Variants in BAZ1A observed in about 807,000 individuals in gnomAD.
The protein encoded by BAZ1A is bromodomain adjacent to zinc finger domain protein 1A.
BAZ1A carries 50 observed loss-of-function variants against 185.2 expected under a neutral mutation model. The ratio of observed to expected loss-of-function variants is 0.27; its 90% CI spans 0.22 to 0.34. The LOEUF (loss-of-function observed/expected upper bound fraction) is 0.34. Ranked by LOEUF, BAZ1A falls within the 10% of genes least tolerant of loss-of-function variation. BAZ1A has a pLI of 1.00. For missense variants in BAZ1A, 1,356 were observed against 1,839.9 expected, an observed-to-expected ratio of 0.74 and a Z score of 4.81; for synonymous variants, 571 against 615.6, an observed-to-expected ratio of 0.93 and a Z score of 1.07.
chr14:34,761,807 G>C lies in BAZ1A; in HGVS notation c.4193C>G (p.Ser1398Cys), dbSNP rs2138544378. The change falls in exon 24 of 27, where the codon TCT becomes TGT. Residue 1398 changes from serine to cysteine, a missense_variant. By Grantham distance (112) the Ser-to-Cys change is moderately radical. Coordinates refer to ENST00000360310, the MANE Select transcript of BAZ1A (RefSeq NM_013448.3). Reference protein sequence around the residue: ...SRSVNIASKLSLQESESKRRC... With the variant: ...SRSVNIASKLCLQESESKRRC... ...TCTTTTGGATTCACTCTCTTGGAGA[G>C]AAAGTTTTGAAGCAATATTTACAGA... 2 of 1,614,208 alleles carry C rather than the reference G, an allele frequency of 1.2e-6. No homozygotes were observed. The highest frequency in any genetic ancestry group is 2.2e-5 in the South Asian group (2 of 91,090).
intron 9 of BAZ1A, among the ~76,000 whole-genome samples, 186 bp from the exon 10 acceptor site, chr14:34,795,951 C>T (rs553079759): frequency 3.8e-3 from 579 of 152,120 alleles, no homozygotes; most frequent in African/African-American, 0.011. Context: ...TTTTAATACA[C>T]GCTAAAGTTT....
chr14:34,844,502 C>T (rs1024351094), intron 3 of BAZ1A, among the ~76,000 whole-genome samples: 1 of 151,894 alleles, frequency 6.6e-6, no homozygotes, highest in African/African-American at 2.4e-5. Flanking sequence ...ATTGGCTGGA[C>T]GTAGTGGCTC....
intron 7 of BAZ1A, among the ~76,000 whole-genome samples, chr14:34,802,005 A>C (rs1272477672): frequency 6.6e-6 from 1 of 152,200 alleles, no homozygotes; most frequent in Non-Finnish European, 1.5e-5. Context: ...TATTACAAGA[A>C]TATCTCAGGA....
At chr14:34,804,894 A>G (rs183030714) in intron 6 of BAZ1A, among the ~76,000 whole-genome samples, 12 of 152,274 alleles carry the variant, frequency 7.9e-5, no homozygotes, top group African/African-American at 2.9e-4. Flanking sequence ...CTGGTTATCA[A>G]ACTTTGTGTG....
rs1366773750 is a variant in BAZ1A, at chr14:34,875,350, C to T, written c.-271G>A. On this transcript the variant is annotated 5_prime_UTR_variant, in exon 1 of 27. Transcript: ENST00000360310. ...TCCTGGGAAGTTTCTGATCTACTTTCGGCTCTGAAGGAGGAAGAGCTGTTG... is the reference window on the plus strand; with the variant it reads ...TCCTGGGAAGTTTCTGATCTACTTTTGGCTCTGAAGGAGGAAGAGCTGTTG... The T allele has an allele frequency of 2.2e-6, 1 of 456,106 alleles. No individual in the cohort carries two copies. Among genetic ancestry groups the T allele is most frequent in the South Asian group, 1.5e-5 (1 of 64,562 alleles). 28.3% of individuals were successfully genotyped at this position (456,106 alleles called of 1,614,324 possible).
At chr14:34,809,281 C>G (rs2041894677) in intron 5 of BAZ1A, among the ~76,000 whole-genome samples, 1 of 152,152 alleles carries the variant, frequency 6.6e-6, no homozygotes, top group African/African-American at 2.4e-5. Context: ...TCTCTGCAAG[C>G]TGGTAAAGAG....
intron 2 of BAZ1A, among the ~76,000 whole-genome samples, chr14:34,863,505 C>T (rs1384068831): frequency 6.6e-6 from 1 of 151,742 alleles, no homozygotes; most frequent in African/African-American, 2.4e-5. Context: ...ATGGGGTTTC[C>T]TCATGTTGGC....
chr14:34,808,744 T>A (rs2041887527), intron 5 of BAZ1A, among the ~76,000 whole-genome samples: 1 of 151,930 alleles, frequency 6.6e-6, no homozygotes, highest in South Asian at 2.1e-4. Flanking sequence ...GCCCCCCAAT[T>A]AAAAACAACC....
rs1045554152 is a variant in BAZ1A, at chr14:34,795,856, C to A, written c.1129-91G>T. On this transcript the variant is annotated intron_variant, in intron 9 of 26. Transcript: ENST00000360310. ...TGAGAACTTGTTAGAAATGCAAATA[C>A]TTGGACCTTACCCCATACCTACTGA... The A allele has an allele frequency of 1.5e-5, 14 of 938,870 alleles. No individual in the cohort carries two copies. In the African/African-American group the frequency reaches 2.3e-4, roughly 15 times the overall value. The allele number at this position is 938,870 out of a possible 1,614,324, so 58.2% of individuals were successfully genotyped here. A position where few individuals can be genotyped will look rare whatever the true frequency, so the allele number is the denominator to read the frequency against.
chr14:34,796,526 GCAA>G (rs1340000761), intron 9 of BAZ1A, among the ~76,000 whole-genome samples: 1 of 152,156 alleles, frequency 6.6e-6, no homozygotes, highest in East Asian at 1.9e-4. Flanking sequence ...ATAATTAAAA[GCAA>G]CAATATTAGA....
At chr14:34,843,856 G>A (rs1353651554) in intron 3 of BAZ1A, among the ~76,000 whole-genome samples, 1 of 152,086 alleles carries the variant, frequency 6.6e-6, no homozygotes, top group Non-Finnish European at 1.5e-5. Flanking sequence ...TGTACCAGGA[G>A]ACAGTATACT....
chr14:34,865,784 T>C (rs1452900873), intron 2 of BAZ1A, among the ~76,000 whole-genome samples: 1 of 152,164 alleles, frequency 6.6e-6, no homozygotes, highest in Admixed American at 6.6e-5. Context: ...CCTTATAAGC[T>C]AGAAGGCAGA....
intron 3 of BAZ1A, among the ~76,000 whole-genome samples, chr14:34,837,562 T>A (rs965059094): frequency 4.0e-5 from 6 of 150,278 alleles, no homozygotes; most frequent in Non-Finnish European, 8.8e-5. Context: ...GAAAGAAAAT[T>A]CTAGACACAA....
At chr14:34,818,352 C>T (rs949532961) in intron 4 of BAZ1A, among the ~76,000 whole-genome samples, 2 of 152,130 alleles carry the variant, frequency 1.3e-5, no homozygotes. Context: ...AAAGTTATAG[C>T]TTAATGGATA....
intron 3 of BAZ1A, 140 bp from the exon 4 acceptor site, chr14:34,826,296 AAG>A: frequency 5.1e-6 from 4 of 782,642 alleles, no homozygotes; most frequent in Non-Finnish European, 7.7e-6. Context: ...TTTAATTAAA[AAG>A]AAAATCTGTA....
chr14:34,820,760 T>A (rs1594873473), intron 4 of BAZ1A, among the ~76,000 whole-genome samples: 1 of 20,322 alleles, frequency 4.9e-5, no homozygotes, highest in East Asian at 4.0e-4. Context: ...TATGTCTAGA[T>A]TTTTTTTTTT....
At chr14:34,843,026 CA>C (rs561167728) in intron 3 of BAZ1A, among the ~76,000 whole-genome samples, 109 of 151,290 alleles carry the variant, frequency 7.2e-4, no homozygotes, top group African/African-American at 2.6e-3. Context: ...GGTCAGCTCT[CA>C]AAAGTTTAGT....
chr14:34,801,452 TG>T (rs1881552950), intron 7 of BAZ1A, among the ~76,000 whole-genome samples: 1 of 72,152 alleles, frequency 1.4e-5, no homozygotes, highest in Non-Finnish European at 2.5e-5. Flanking sequence ...CCACCACACC[TG>T]GCTAATTTTT....
chr14:34,759,680 T>TA (rs61464490), intron 24 of BAZ1A, among the ~76,000 whole-genome samples: 23 of 151,908 alleles, frequency 1.5e-4, no homozygotes, highest in African/African-American at 5.1e-4. Context: ...TTTATTTATT[T>TA]TATTTAATTT....
Sources: allele counts gnomAD v4.1 joint callset (sites outside exome capture counted in the v4.1 genomes callset), GRCh38; gene constraint gnomAD v4.1.1; transcripts MANE v1.5; gene names NCBI Gene and HGNC (gene_info 2026-07-23, HGNC 2026-07-21).